Variants in OPCML observed in about 807,000 individuals in gnomAD.
OPCML encodes opioid binding protein/cell adhesion molecule like, also known as opioid-binding protein/cell adhesion molecule.
A neutral mutation model predicts 37.8 loss-of-function variants in OPCML; 13 were observed. The ratio of observed to expected loss-of-function variants is 0.34; its 90% CI spans 0.22 to 0.55. The LOEUF (loss-of-function observed/expected upper bound fraction) is 0.55, where lower values mean the gene tolerates loss of function less well. Ranked by LOEUF, OPCML falls within the 20% of genes least tolerant of loss-of-function variation. OPCML has a pLI of 0.91. For missense variants in OPCML, 341 were observed against 435.6 expected, an observed-to-expected ratio of 0.78 and a Z score of 1.93; for synonymous variants, 176 against 168.8, an observed-to-expected ratio of 1.04 and a Z score of -0.33.
chr11:132,422,250 G>A (rs1384310327), intron 7 of OPCML, among the ~76,000 whole-genome samples: 1 of 152,136 alleles, frequency 6.6e-6, no homozygotes, highest in African/African-American at 2.4e-5. Context: ...TTCTACCAGT[G>A]AACTGAAACA....
intron 1 of OPCML, among the ~76,000 whole-genome samples, chr11:132,964,131 A>G (rs1946159676): frequency 6.6e-6 from 1 of 152,206 alleles, no homozygotes; most frequent in African/African-American, 2.4e-5. Context: ...AGTCCAGGAA[A>G]CACCTGAAGG....
intron 4 of OPCML, among the ~76,000 whole-genome samples, chr11:132,493,597 T>C (rs77103336): frequency 0.01 from 1,571 of 152,238 alleles, 23 homozygotes; most frequent in African/African-American, 0.036. Flanking sequence ...CCCCTCTCCT[T>C]CCTGGACTCC....
chr11:133,216,366 G>T (rs946387128), intron 1 of OPCML, among the ~76,000 whole-genome samples: 1 of 152,168 alleles, frequency 6.6e-6, no homozygotes, highest in Non-Finnish European at 1.5e-5. Context: ...TTGAAAAAAG[G>T]TACCTCTTAT....
At chr11:132,510,583 C>T (rs879453619) in intron 4 of OPCML, among the ~76,000 whole-genome samples, 16 of 152,112 alleles carry the variant, frequency 1.1e-4, no homozygotes, top group Non-Finnish European at 1.8e-4. Flanking sequence ...GATATTAAGT[C>T]TCACAAGATC....
intron 1 of OPCML, among the ~76,000 whole-genome samples, chr11:133,223,235 A>C (rs1355871661): frequency 6.6e-6 from 1 of 152,314 alleles, no homozygotes; most frequent in East Asian, 1.9e-4. Flanking sequence ...CAGATTTGGA[A>C]ATGGCTTCTA....
chr11:133,286,951 G>A (rs912106580), intron 1 of OPCML, among the ~76,000 whole-genome samples: 3 of 152,194 alleles, frequency 2.0e-5, no homozygotes, highest in Non-Finnish European at 4.4e-5. Flanking sequence ...TAAAGGGCAA[G>A]GGCAAGATCT....
At chr11:133,464,325 A>ACAGCTACT (rs140870436) in intron 1 of OPCML, among the ~76,000 whole-genome samples, 19,990 of 152,014 alleles carry the variant, frequency 0.13, 3,113 homozygotes, top group African/African-American at 0.37. Context: ...CTTTCTTTTC[A>ACAGCTACT]CATCAAGCAA....
intron 2 of OPCML, among the ~76,000 whole-genome samples, chr11:132,884,909 TA>T (rs1943352704): frequency 6.6e-6 from 1 of 152,080 alleles, no homozygotes; most frequent in Non-Finnish European, 1.5e-5. Context: ...TTGCCAAAAA[TA>T]AAAGCCTTAG....
chr11:133,383,963 C>T (rs1004754466), intron 1 of OPCML, among the ~76,000 whole-genome samples: 1 of 152,030 alleles, frequency 6.6e-6, no homozygotes, highest in Non-Finnish European at 1.5e-5. Flanking sequence ...GGACTCCTCT[C>T]CCTACGCACA....
At chr11:132,846,497 T>C (rs1481263932) in intron 2 of OPCML, among the ~76,000 whole-genome samples, 1 of 152,180 alleles carries the variant, frequency 6.6e-6, no homozygotes, top group East Asian at 1.9e-4. Flanking sequence ...AGAAATGTGT[T>C]TTAAATCCCT....
At position 133,173,461 on chromosome 11, in the gene OPCML, C is replaced by T. The variant is rs1950315387; in HGVS notation, c.62-230451G>A. Reference sequence around the variant, plus strand: ...GTGAACAAATAAATAAATGAGCAACCACTAGCCACAGATGGATTCCTAGAA... The same window carrying T: ...GTGAACAAATAAATAAATGAGCAACTACTAGCCACAGATGGATTCCTAGAA... On this transcript the variant is annotated intron_variant, in intron 1 of 7. Transcript: ENST00000524381. The surrounding 1 kb of genome is among the most constrained non-coding windows in gnomAD (Gnocchi z 7.8). 6.6e-6 allele frequency among the ~76,000 whole-genome samples: 1 copy of T among 152,078 alleles called. No homozygotes were observed. Among genetic ancestry groups the T allele is most frequent in the South Asian group, 2.1e-4 (1 of 4,824 alleles).
intron 2 of OPCML, among the ~76,000 whole-genome samples, chr11:132,730,077 G>C (rs569525889): frequency 1.5e-5 from 2 of 131,556 alleles, no homozygotes; most frequent in African/African-American, 2.9e-5. Flanking sequence ...ACAGTGGCAC[G>C]ATCTCAGCTC....
rs1939364132 is a variant in OPCML, at chr11:133,211,651, A to G, written c.62-268641T>C. 6.6e-6 allele frequency among the ~76,000 whole-genome samples: 1 copy of G among 152,214 alleles called. No homozygotes were observed. The highest frequency in any genetic ancestry group is 2.1e-4 in the South Asian group (1 of 4,832). ...CCTTCCCTAATAGCTGGAATTGTAT[A>G]TCTTGTACCATGAGGCATCTGGGGC... On this transcript the variant is annotated intron_variant, in intron 1 of 7. Coordinates refer to ENST00000524381, the MANE Select transcript of OPCML (RefSeq NM_001012393.5). The surrounding 1 kb of genome is among the most constrained non-coding windows in gnomAD (Gnocchi z 4.1).
intron 1 of OPCML, among the ~76,000 whole-genome samples, chr11:133,210,573 G>C (rs1939310917): frequency 6.6e-6 from 1 of 152,172 alleles, no homozygotes; most frequent in Non-Finnish European, 1.5e-5. Flanking sequence ...TGGAAACTGA[G>C]CTCAAAGGGA....
chr11:133,411,391 C>T (rs977233162), intron 1 of OPCML, among the ~76,000 whole-genome samples: 7 of 152,184 alleles, frequency 4.6e-5, no homozygotes, highest in African/African-American at 9.6e-5. Context: ...AGCATGCCAG[C>T]GTGGCTCTGA....
intron 2 of OPCML, among the ~76,000 whole-genome samples, chr11:132,703,770 A>T (rs1459062814): frequency 6.6e-6 from 1 of 152,082 alleles, no homozygotes; most frequent in African/African-American, 2.4e-5. Context: ...GTAGGCCTGA[A>T]ATCTGGGTCC....
intron 2 of OPCML, among the ~76,000 whole-genome samples, chr11:132,697,208 A>G (rs1449842041): frequency 6.6e-6 from 1 of 152,244 alleles, no homozygotes; most frequent in Non-Finnish European, 1.5e-5. Flanking sequence ...ATATGTATAC[A>G]TTATGAAATG....
intron 2 of OPCML, among the ~76,000 whole-genome samples, chr11:132,681,980 C>T (rs751463135): frequency 7.2e-5 from 11 of 152,032 alleles, no homozygotes; most frequent in East Asian, 1.9e-4. Flanking sequence ...CACACTGATG[C>T]CCCACTGAGC....
intron 2 of OPCML, among the ~76,000 whole-genome samples, chr11:132,808,803 A>G (rs747004673): frequency 2.6e-5 from 4 of 152,196 alleles, no homozygotes; most frequent in Non-Finnish European, 5.9e-5. Flanking sequence ...ATCATTGATT[A>G]TCCTATTAAT....
Sources: gnomAD v4.1 joint callset for allele counts (sites outside exome capture counted in the v4.1 genomes callset) on GRCh38, gnomAD v4.1.1 for gene constraint, Gnocchi (gnomAD v3.1) non-coding constraint, MANE v1.5 for transcripts, NCBI Gene and HGNC (gene_info 2026-07-23, HGNC 2026-07-21) for gene names.